Variants in TENM3 observed in about 807,000 individuals in gnomAD.
TENM3 encodes the protein teneurin transmembrane protein 3, also known as teneurin-3.
TENM3 carries 63 observed loss-of-function variants against 255.1 expected under a neutral mutation model. The observed-to-expected ratio is 0.25, with a 90% confidence interval of 0.20 to 0.30. The LOEUF is 0.30. Among genes scored for constraint, TENM3 ranks in the 10% least tolerant of loss-of-function variants. The probability of loss-of-function intolerance (pLI) is 1.00; values close to 1 mark genes in which losing one functional copy is unlikely to be tolerated. For synonymous variants in TENM3, 1,306 were observed against 1,322.3 expected, an observed-to-expected ratio of 0.99 and a Z score of 0.27; for missense variants, 2,929 against 3,461.1, an observed-to-expected ratio of 0.85 and a Z score of 3.86.
the TENM3 span, among the ~76,000 whole-genome samples, chr4:181,792,626 T>C: frequency 6.6e-6 from 1 of 152,232 alleles, no homozygotes; most frequent in Non-Finnish European, 1.5e-5. Flanking sequence ...TAATCTGAAA[T>C]CTCAAATAGC....
At chr4:181,954,105 A>G in the TENM3 span, among the ~76,000 whole-genome samples, 2 of 152,190 alleles carry the variant, frequency 1.3e-5, no homozygotes, top group African/African-American at 2.4e-5. Flanking sequence ...TCAGTAGCTC[A>G]TTCCTTTTTA....
chr4:182,687,810 G>A lies in TENM3; in HGVS notation c.2036-356G>A, dbSNP rs1756700112. On this transcript the variant is annotated intron_variant, in intron 11 of 27. Coordinates refer to ENST00000511685, the MANE Select transcript of TENM3 (RefSeq NM_001080477.4). The stretch of plus-strand genomic sequence containing the variant: ...TTTGGGGATGGGGGTGTGGGGACAT[G>A]TTTTCTTGGTGATAGGTGTATATAA... Among the ~76,000 whole-genome samples the A allele has an allele frequency of 3.9e-5, 6 of 152,034 alleles. 2 individuals carry two copies. In the South Asian group the frequency reaches 1.2e-3, roughly 32 times the overall value.
rs1390265527 is a variant in TENM3 at position 182,755,048 on chromosome 4, G to A, written c.4681G>A (p.Gly1561Ser). The A allele has an allele frequency of 6.2e-7, 1 of 1,613,992 alleles. No homozygotes were observed. Among genetic ancestry groups the A allele is most frequent in the Admixed American group, 1.7e-5 (1 of 60,024 alleles). The change falls in exon 22 of 28, where the codon GGC becomes AGC. Residue 1561 changes from glycine (G) to serine (S), a missense_variant. Transcript: ENST00000511685. ...NDITAVTDSNGNTLRIRRDPN... is the reference protein window; with the variant it reads ...NDITAVTDSNSNTLRIRRDPN... Reference sequence around the variant, plus strand: ...TATTACTGCTGTGACAGACAGCAATGGCAACACCCTTAGAATTAGACGGGA... The same window carrying A: ...TATTACTGCTGTGACAGACAGCAATAGCAACACCCTTAGAATTAGACGGGA...
At position 182,233,521 on chromosome 4, in the gene TENM3, A is replaced by C. The variant is rs927460068; in HGVS notation, c.-76+88767A>C. ...CTGCATTTAATACTTTTTTGGCAGC[A>C]CCATACACTTACAAAACTGTATGCT... On this transcript the variant is annotated intron_variant, in intron 1 of 2. Transcript: ENST00000512480. Among the ~76,000 whole-genome samples the C allele has an allele frequency of 7.2e-5, 11 of 152,326 alleles. No homozygotes were observed. The South Asian group carries it at 2.3e-3, about 32-fold the overall frequency.
At chr4:182,403,897 T>G (rs1769376013) in intron 3 of TENM3, among the ~76,000 whole-genome samples, 1 of 152,100 alleles carries the variant, frequency 6.6e-6, no homozygotes, top group Admixed American at 6.6e-5. Context: ...TTTTAAAAAT[T>G]TCTTTGTAGA....
the TENM3 span, among the ~76,000 whole-genome samples, chr4:181,534,248 A>G: frequency 6.6e-6 from 1 of 152,032 alleles, no homozygotes; most frequent in Admixed American, 6.5e-5. Context: ...AAAAAAAAAA[A>G]AAACAATTGC....
intron 1 of TENM3, among the ~76,000 whole-genome samples, chr4:182,227,488 C>T (rs1416221814): frequency 1.3e-5 from 2 of 152,126 alleles, no homozygotes; most frequent in Middle Eastern, 3.2e-3. Flanking sequence ...CTGAGAGTTC[C>T]GTGATCTTTC....
chr4:181,476,206 G>GTT, the TENM3 span, among the ~76,000 whole-genome samples: 19 of 115,364 alleles, frequency 1.6e-4, no homozygotes, highest in African/African-American at 6.9e-4. Flanking sequence ...CATTTTAGGG[G>GTT]TTTTTTTTTT....
At chr4:182,081,846 T>G in the TENM3 span, 3 of 152,174 alleles carry the variant, frequency 2.0e-5, no homozygotes, top group African/African-American at 7.2e-5. Context: ...AAAAAAAATG[T>G]TACTATTCCT....
chr4:182,380,777 C>A (rs1479095381), intron 3 of TENM3, among the ~76,000 whole-genome samples: 1 of 152,154 alleles, frequency 6.6e-6, no homozygotes, highest in African/African-American at 2.4e-5. Context: ...TCTTGCTTTC[C>A]CATTTCAGCA....
chr4:181,641,965 A>C, the TENM3 span, among the ~76,000 whole-genome samples: 2 of 150,914 alleles, frequency 1.3e-5, no homozygotes. Flanking sequence ...AGAATGATTT[A>C]TAATCCTTTG....
chr4:181,574,440 A>T, the TENM3 span, among the ~76,000 whole-genome samples: 32 of 151,730 alleles, frequency 2.1e-4, no homozygotes, highest in African/African-American at 7.5e-4. Context: ...CTGAGGCAGG[A>T]GAATGGCGTG....
At chr4:182,498,365 C>T (rs1735998433) in intron 3 of TENM3, among the ~76,000 whole-genome samples, 1 of 152,116 alleles carries the variant, frequency 6.6e-6, no homozygotes, top group Non-Finnish European at 1.5e-5. Context: ...TTCGTCTTCA[C>T]CTCTTGAGAA....
intron 1 of TENM3, among the ~76,000 whole-genome samples, chr4:182,182,699 T>C (rs764416927): frequency 3.3e-5 from 5 of 152,230 alleles, no homozygotes; most frequent in African/African-American, 4.8e-5. Context: ...TGTTGTGTGT[T>C]CTTAAGCAGG....
chr4:182,457,242 T>C (rs1272486097), intron 3 of TENM3, among the ~76,000 whole-genome samples: 1 of 151,780 alleles, frequency 6.6e-6, no homozygotes, highest in Non-Finnish European at 1.5e-5. Context: ...CAATTTTACT[T>C]TTTCCTGAGA....
chr4:182,593,728 A>T (rs1057260269), intron 3 of TENM3, among the ~76,000 whole-genome samples: 30 of 152,202 alleles, frequency 2.0e-4, no homozygotes, highest in African/African-American at 6.7e-4. Flanking sequence ...CTTTCCTCTC[A>T]TCTCACACTC....
intron 3 of TENM3, among the ~76,000 whole-genome samples, chr4:182,534,528 G>A (rs1740096760): frequency 6.6e-6 from 1 of 152,206 alleles, no homozygotes; most frequent in Non-Finnish European, 1.5e-5. Flanking sequence ...GGAGAGTAAT[G>A]TGTGTGTACA....
At chr4:182,512,746 C>T (rs1296584979) in intron 3 of TENM3, among the ~76,000 whole-genome samples, 1 of 152,098 alleles carries the variant, frequency 6.6e-6, no homozygotes, top group Non-Finnish European at 1.5e-5. Flanking sequence ...TAATCTGGGG[C>T]AAATGACTTA....
At chr4:181,778,230 C>CA in the TENM3 span, among the ~76,000 whole-genome samples, 3,484 of 151,766 alleles carry the variant, frequency 0.023, 57 homozygotes, top group Non-Finnish European at 0.036. Flanking sequence ...ACCTCCGCAG[C>CA]AAAAAAAGGA....
Sources: gnomAD v4.1 joint callset for allele counts (sites outside exome capture counted in the v4.1 genomes callset) on GRCh38, gnomAD v4.1.1 for gene constraint, MANE v1.5 for transcripts, NCBI Gene and HGNC (gene_info 2026-07-23, HGNC 2026-07-21) for gene names.